SLC24A3: variants seen among roughly 807,000 people sequenced by gnomAD.
SLC24A3 encodes the protein solute carrier family 24 member 3.
SLC24A3 carries 28 observed loss-of-function variants against 75.8 expected under a neutral mutation model. The ratio of observed to expected loss-of-function variants is 0.37; its 90% CI spans 0.27 to 0.51. SLC24A3 has a LOEUF of 0.51. Among genes scored for constraint, SLC24A3 ranks in the 20% least tolerant of loss-of-function variants. The pLI is 0.94. For missense variants in SLC24A3, 663 were observed against 847.8 expected (o/e 0.78, Z 2.71); for synonymous variants, 372 against 334.1 (o/e 1.11, Z -1.24).
At chr20:19,374,085 C>T (rs922953714) in intron 2 of SLC24A3, among the ~76,000 whole-genome samples, 4 of 152,082 alleles carry the variant, frequency 2.6e-5, no homozygotes, top group South Asian at 2.1e-4. Context: ...GCTTGAGATC[C>T]GGTAAAGAAA....
At chr20:19,375,271 T>C (rs890591701) in intron 2 of SLC24A3, among the ~76,000 whole-genome samples, 20 of 152,338 alleles carry the variant, frequency 1.3e-4, no homozygotes, top group African/African-American at 4.8e-4. Flanking sequence ...AGGCAGGCTA[T>C]GTCCCGATGC....
chr20:19,563,460 CA>C (rs1318422098), intron 3 of SLC24A3, among the ~76,000 whole-genome samples: 28 of 152,114 alleles, frequency 1.8e-4, no homozygotes, highest in Middle Eastern at 3.4e-3. Flanking sequence ...ATGCTTGTGC[CA>C]GGGGAAATGA....
At chr20:19,386,649 T>G (rs550726503) in intron 2 of SLC24A3, among the ~76,000 whole-genome samples, 2 of 152,332 alleles carry the variant, frequency 1.3e-5, no homozygotes, top group African/African-American at 4.8e-5. Context: ...GTCAAATGCT[T>G]TTTGGCATCT....
intron 15 of SLC24A3, among the ~76,000 whole-genome samples, chr20:19,698,991 AAAT>A (rs2032842515): frequency 6.6e-6 from 1 of 152,230 alleles, no homozygotes; most frequent in African/African-American, 2.4e-5. Flanking sequence ...CATAGACAAT[AAAT>A]AACCAAACGG....
chr20:19,486,247 A>C (rs528381357), intron 2 of SLC24A3, among the ~76,000 whole-genome samples: 8 of 152,318 alleles, frequency 5.3e-5, no homozygotes, highest in African/African-American at 1.7e-4. Flanking sequence ...ACCATAGTAA[A>C]TTCTGTTCCT....
intron 12 of SLC24A3, among the ~76,000 whole-genome samples, chr20:19,692,835 C>G (rs1298165081): frequency 2.0e-5 from 3 of 151,968 alleles, no homozygotes; most frequent in Admixed American, 1.3e-4. Context: ...TATTATCGGG[C>G]GAAAACGTGG....
rs1424086650 is a variant in SLC24A3, at chr20:19,308,899, G to A, written c.271+27812G>A. 2.0e-5 allele frequency among the ~76,000 whole-genome samples: 3 copies of A among 152,166 alleles called. No individual in the cohort carries two copies. In the East Asian group the frequency reaches 5.8e-4, roughly 29 times the overall value. On this transcript the variant is annotated intron_variant, in intron 2 of 16. Coordinates refer to ENST00000328041, the MANE Select transcript of SLC24A3 (RefSeq NM_020689.4). ...AATGAAACATCTCTGCAAACGCCAG[G>A]CCATTTTGAAAAGTGATAAGCATTT... is the stretch of plus-strand genomic sequence containing the variant.
chr20:19,526,099 C>T (rs1218545098), intron 3 of SLC24A3, among the ~76,000 whole-genome samples: 4 of 152,182 alleles, frequency 2.6e-5, no homozygotes, highest in Non-Finnish European at 5.9e-5. Context: ...CCAGTCTCCC[C>T]GATAGCTCTT....
intron 3 of SLC24A3, among the ~76,000 whole-genome samples, chr20:19,578,941 G>A (rs1600287905): frequency 6.6e-6 from 1 of 152,178 alleles, no homozygotes; most frequent in East Asian, 1.9e-4. Flanking sequence ...TGGCAATGAG[G>A]GCTCCCAGCT....
At chr20:19,510,160 A>G (rs1988515787) in intron 2 of SLC24A3, among the ~76,000 whole-genome samples, 1 of 152,214 alleles carries the variant, frequency 6.6e-6, no homozygotes, top group South Asian at 2.1e-4. Context: ...CCTGATTTAC[A>G]TTCTGTGCTG....
At chr20:19,582,869 C>T (rs541229390) in intron 4 of SLC24A3, among the ~76,000 whole-genome samples, 2 of 152,118 alleles carry the variant, frequency 1.3e-5, no homozygotes, top group African/African-American at 2.4e-5. Context: ...CAGGCCTGGC[C>T]GAGCAGAGGC....
At chr20:19,233,326 C>T (rs1398025629) in intron 1 of SLC24A3, among the ~76,000 whole-genome samples, 1 of 152,186 alleles carries the variant, frequency 6.6e-6, no homozygotes, top group Non-Finnish European at 1.5e-5. Flanking sequence ...GTTGTTTTGC[C>T]TAAGATGGCA....
At position 19,259,062 on chromosome 20, in the gene SLC24A3, G is replaced by A. The variant is rs73124847; in HGVS notation, c.143-21897G>A. ...AATAGTGATATCTCGAGGAAGGATT[G>A]AAAATAGAGCTGCTCAGAGATAATT... On this transcript the variant is annotated intron_variant, in intron 1 of 16. Coordinates refer to ENST00000328041, the MANE Select transcript of SLC24A3 (RefSeq NM_020689.4). Among the ~76,000 whole-genome samples the A allele has an allele frequency of 1.8e-3, 271 of 152,340 alleles. 1 individual carries two copies. The Middle Eastern group carries it at 0.024, about 13-fold the overall frequency.
At chr20:19,653,960 GGAC>G in intron 6 of SLC24A3, 99 bp from the exon 7 acceptor site, 1 of 886,728 alleles carries the variant, frequency 1.1e-6, no homozygotes, top group Non-Finnish European at 1.8e-6. Flanking sequence ...ATTGGGTGCA[GGAC>G]AGGAGGCCTA....
At chr20:19,488,250 G>A (rs78363307) in intron 2 of SLC24A3, among the ~76,000 whole-genome samples, 2,567 of 152,346 alleles carry the variant, frequency 0.017, 69 homozygotes, top group African/African-American at 0.058. Flanking sequence ...GAGGGCAGGT[G>A]CCTTGGAGCA....
rs1600333002 is a variant in SLC24A3 at position 19,674,001 on chromosome 20, G to C, written c.767+347G>C. ...ACTCAATATGTTACACTGCTATAGA[G>C]GGTGAGAGAAGATGCAAGGTAGTCT... On this transcript the variant is annotated intron_variant, in intron 9 of 16. Coordinates refer to ENST00000328041, the MANE Select transcript of SLC24A3 (RefSeq NM_020689.4). Among the ~76,000 whole-genome samples the C allele has an allele frequency of 2.0e-5, 3 of 152,314 alleles. No homozygotes were observed. The South Asian group carries it at 6.2e-4, about 32-fold the overall frequency.
chr20:19,324,671 C>T (rs1053398307), intron 2 of SLC24A3, among the ~76,000 whole-genome samples: 1 of 152,154 alleles, frequency 6.6e-6, no homozygotes, highest in Non-Finnish European at 1.5e-5. Flanking sequence ...TCATTAATGA[C>T]GTTTCCTTAG....
At chr20:19,247,283 G>T (rs577122352) in intron 1 of SLC24A3, among the ~76,000 whole-genome samples, 4 of 152,240 alleles carry the variant, frequency 2.6e-5, no homozygotes, top group Admixed American at 6.5e-5. Flanking sequence ...AGAATTCTGT[G>T]TGCAAATTAT....
intron 8 of SLC24A3, among the ~76,000 whole-genome samples, chr20:19,666,807 A>C (rs1415860897): frequency 6.6e-6 from 1 of 152,198 alleles, no homozygotes; most frequent in Non-Finnish European, 1.5e-5. Flanking sequence ...TGCCCAAATT[A>C]AATATATGGC....
Sources: allele counts gnomAD v4.1 joint callset (sites outside exome capture counted in the v4.1 genomes callset), GRCh38; gene constraint gnomAD v4.1.1; transcripts MANE v1.5; gene names NCBI Gene and HGNC (gene_info 2026-07-23, HGNC 2026-07-21).